Variants in CSF2RB observed in about 807,000 individuals in gnomAD.
The protein encoded by CSF2RB is colony stimulating factor 2 receptor subunit beta, also known as cytokine receptor common subunit beta.
In CSF2RB, 22 loss-of-function variants were observed where a neutral mutation model predicts 67.2. The observed-to-expected ratio is 0.33, with a 90% CI of 0.23 to 0.47. The LOEUF (loss-of-function observed/expected upper bound fraction) is 0.47, where lower values mean the gene tolerates loss of function less well. Among genes scored for constraint, CSF2RB ranks in the 20% least tolerant of loss-of-function variants. The probability of loss-of-function intolerance (pLI) is 1.00; values close to 1 mark genes in which losing one functional copy is unlikely to be tolerated. For missense variants in CSF2RB, 1,113 were observed against 1,174.5 expected (o/e 0.95, Z 0.76); for synonymous variants, 507 against 482.9 (o/e 1.05, Z -0.65).
chr22:36,922,491 C>T (rs912919778), intron 2 of CSF2RB: 15 of 607,996 alleles, frequency 2.5e-5, no homozygotes, highest in African/African-American at 2.0e-4. Context: ...TCCAGCTGAG[C>T]GTGTCTGGCT....
Position 36,929,827 on chromosome 22 carries a change from G to A in CSF2RB, c.718+20G>A, listed in dbSNP as rs767631636. The A allele has an allele frequency of 6.2e-7, 1 of 1,611,858 alleles. No homozygotes were observed. Among genetic ancestry groups the A allele is most frequent in the Non-Finnish European group, 8.5e-7 (1 of 1,179,206 alleles). ...AGCCAGGTAATGTTGCCAGAGCCCA[G>A]GAAATGCCCCGTGGTGGGAGGGCAG... On this transcript the variant is annotated intron_variant, in intron 6 of 13. Transcript: ENST00000403662.
intron 8 of CSF2RB, among the ~76,000 whole-genome samples, chr22:36,931,572 A>G (rs749588727): frequency 1.2e-4 from 19 of 152,392 alleles, no homozygotes; most frequent in Middle Eastern, 3.4e-3. Context: ...CAGTGAAGGC[A>G]TCAAGGTTAT....
At chr22:36,917,284 GTCT>G (rs577207326) in intron 1 of CSF2RB, among the ~76,000 whole-genome samples, 98 of 152,220 alleles carry the variant, frequency 6.4e-4, no homozygotes, top group Middle Eastern at 6.8e-3. Flanking sequence ...TGGCCATGAT[GTCT>G]TCTTCTTTTA....
intron 9 of CSF2RB, among the ~76,000 whole-genome samples, chr22:36,933,297 G>A (rs73158160): frequency 0.019 from 2,853 of 152,296 alleles, 35 homozygotes; most frequent in Middle Eastern, 0.034. Context: ...CTAATGAGTC[G>A]GGGGTGCGCC....
Position 36,922,272 on chromosome 22 carries a change from C to T in CSF2RB, c.65C>T (p.Ala22Val). ...LLALCWERSLAGAEETIPLQT... is the reference protein window; with the variant it reads ...LLALCWERSLVGAEETIPLQT... ...GCCCTGTGCTGGGAGCGCAGCCTGG[C>T]AGGGGCAGAAGGTGAGTCCCGTGGC... is the stretch of plus-strand genomic sequence containing the variant. The change falls in exon 2 of 14, where the codon GCA (alanine) becomes GTA (valine). Residue 22 changes from alanine to valine, a missense_variant. This residue lies in a region of CSF2RB where 559 missense variants were observed against 656.5 expected (regional missense o/e 0.85). Coordinates refer to ENST00000403662, the MANE Select transcript of CSF2RB (RefSeq NM_000395.3). The T allele has an allele frequency of 6.3e-7, 1 of 1,576,840 alleles. No individual in the cohort carries two copies. Among genetic ancestry groups the T allele is most frequent in the African/African-American group, 1.3e-5 (1 of 74,374 alleles).
At chr22:36,921,459 G>A (rs542150938) in intron 1 of CSF2RB, among the ~76,000 whole-genome samples, 8 of 151,694 alleles carry the variant, frequency 5.3e-5, no homozygotes, top group African/African-American at 1.7e-4. Context: ...GCGTGTGTCC[G>A]TGTGCTTGTG....
intron 1 of CSF2RB, among the ~76,000 whole-genome samples, chr22:36,919,847 G>A (rs993656564): frequency 6.6e-6 from 1 of 152,186 alleles, no homozygotes; most frequent in African/African-American, 2.4e-5. Flanking sequence ...ATGTCTTAAT[G>A]TACTCTTTTA....
chr22:36,938,209 G>A lies in CSF2RB; in HGVS notation c.2401G>A (p.Ala801Thr), dbSNP rs1941316560. Reference protein sequence around the residue: ...SPVLNPGERPADVSPTSPQPE... With the variant: ...SPVLNPGERPTDVSPTSPQPE... ...TGTCCTGAACCCAGGGGAACGCCCG[G>A]CAGATGTGTCCCCAACATCCCCACA... is the stretch of plus-strand genomic sequence containing the variant. The change falls in exon 14 of 14, where the codon GCA becomes ACA. Residue 801 changes from alanine (A) to threonine (T), a missense_variant. Physicochemically the swap from Ala to Thr is moderately conservative, Grantham distance 58. Coordinates refer to ENST00000403662, the MANE Select transcript of CSF2RB (RefSeq NM_000395.3). The A allele has an allele frequency of 2.5e-6, 4 of 1,614,130 alleles. No homozygotes were observed. Among genetic ancestry groups the A allele is most frequent in the East Asian group, 4.5e-5 (2 of 44,872 alleles).
At chr22:36,916,541 C>T (rs574970775) in intron 1 of CSF2RB, among the ~76,000 whole-genome samples, 1 of 152,154 alleles carries the variant, frequency 6.6e-6, no homozygotes, top group East Asian at 1.9e-4. Context: ...AGTCTCTCAT[C>T]TCTGGTTTGT....
chr22:36,929,063 C>T (rs757302603), intron 4 of CSF2RB, among the ~76,000 whole-genome samples: 23 of 152,182 alleles, frequency 1.5e-4, no homozygotes, highest in Non-Finnish European at 2.5e-4. Flanking sequence ...GAACCGCAGG[C>T]CCCTCTGCTA....
At chr22:36,917,852 G>A (rs1238820251) in intron 1 of CSF2RB, among the ~76,000 whole-genome samples, 2 of 152,040 alleles carry the variant, frequency 1.3e-5, no homozygotes, top group Admixed American at 6.5e-5. Context: ...GAACCCCGGA[G>A]GCAGAGATTG....
chr22:36,925,854 G>A (rs1941003136), intron 3 of CSF2RB, 133 bp from the exon 4 acceptor site: 3 of 1,002,920 alleles, frequency 3.0e-6, no homozygotes. Context: ...TCCGTGGGCA[G>A]GATTTTTGTG....
At position 36,932,967 on chromosome 22, in the gene CSF2RB, A is replaced by G. The variant is rs368942535; in HGVS notation, c.1152+63A>G. The G allele has an allele frequency of 3.7e-5, 60 of 1,601,268 alleles. 1 individual carries two copies. Among genetic ancestry groups the G allele is most frequent in the South Asian group, 3.2e-4 (29 of 90,128 alleles). ...GAGGGCGGGAGAAGGGAAAGCAACCAGAGGCATTCCACCTGCAAGGCGTCG... is the reference window on the plus strand; with the variant it reads ...GAGGGCGGGAGAAGGGAAAGCAACCGGAGGCATTCCACCTGCAAGGCGTCG... On this transcript the variant is annotated intron_variant, in intron 9 of 13. Transcript: ENST00000403662.
At position 36,926,031 on chromosome 22, in the gene CSF2RB, C is replaced by T; in HGVS notation, c.245C>T (p.Pro82Leu). The T allele has an allele frequency of 6.2e-7, 1 of 1,614,188 alleles. No homozygotes were observed. The highest frequency in any genetic ancestry group is 1.7e-5 in the Admixed American group (1 of 60,020). ...TCCTGTGACCTCAGTGATGACATGCCCTGGTCAGCCTGCCCCCATCCCCGC... is the reference window on the plus strand; with the variant it reads ...TCCTGTGACCTCAGTGATGACATGCTCTGGTCAGCCTGCCCCCATCCCCGC... ...PVSCDLSDDM[P>L]WSACPHPRCV... The change falls in exon 4 of 14, where the codon CCC becomes CTC. Residue 82 changes from proline to leucine, a missense_variant. Pro to Leu is a moderately conservative substitution (Grantham distance 98). Coordinates refer to ENST00000403662, the MANE Select transcript of CSF2RB (RefSeq NM_000395.3).
At chr22:36,914,680 C>T (rs1940679058) in intron 1 of CSF2RB, among the ~76,000 whole-genome samples, 2 of 151,856 alleles carry the variant, frequency 1.3e-5, no homozygotes, top group Admixed American at 6.6e-5. Context: ...CTTCAAAAAC[C>T]CTGCTGTTAT....
intron 8 of CSF2RB, 57 bp from the exon 9 acceptor site, chr22:36,932,708 G>A (rs1941173625): frequency 6.3e-7 from 1 of 1,591,686 alleles, no homozygotes; most frequent in Non-Finnish European, 8.5e-7. Flanking sequence ...GAGACACGGG[G>A]AATGTTCCGT....
Position 36,937,858 on chromosome 22 carries a change from G to A in CSF2RB, c.2050G>A (p.Gly684Arg). The A allele has an allele frequency of 6.2e-7, 1 of 1,613,864 alleles. No homozygotes were observed. Among genetic ancestry groups the A allele is most frequent in the Non-Finnish European group, 8.5e-7 (1 of 1,179,892 alleles). ...PAPPALGPRV[G>R]GQDQKDSPVA... is the part of the protein sequence containing the mutation. The stretch of plus-strand genomic sequence containing the variant: ...CCCTCCTGCTCTTGGGCCAAGGGTG[G>A]GAGGACAGGACCAAAAGGACAGCCC... The change falls in exon 14 of 14, where the codon GGA becomes AGA. Residue 684 changes from glycine to arginine, a missense_variant. Physicochemically the swap from Gly to Arg is moderately radical, Grantham distance 125. This residue lies in a region of CSF2RB where 554 missense variants were observed against 517.9 expected (regional missense o/e 1.07). Coordinates refer to ENST00000403662, the MANE Select transcript of CSF2RB (RefSeq NM_000395.3). This position sits in a 1 kb window ranked among gnomAD's most constrained non-coding sequence, Gnocchi z 4.6.
intron 4 of CSF2RB, 107 bp from the exon 5 acceptor site, chr22:36,929,295 G>A (rs959459178): frequency 1.4e-6 from 2 of 1,471,152 alleles, no homozygotes; most frequent in African/African-American, 1.4e-5. Context: ...CAGCTGCTGG[G>A]GGCAGGGGTG....
rs544458422 is a variant in CSF2RB, at chr22:36,932,629, T to C, written c.1013-136T>C. The C allele has an allele frequency of 6.2e-6, 6 of 974,994 alleles. No homozygotes were observed. In the South Asian group the frequency reaches 8.3e-5, roughly 14 times the overall value. The allele number at this position is 974,994 out of a possible 1,614,324, so 60.4% of individuals were successfully genotyped here. On this transcript the variant is annotated intron_variant, in intron 8 of 13. Transcript: ENST00000403662. ...AAAACATGATATAGTGAAGTGGGGA[T>C]GAAAAGGATCCAACCATGGGCAGAA... is the stretch of plus-strand genomic sequence containing the variant.
Sources: gnomAD v4.1 joint callset for allele counts (sites outside exome capture counted in the v4.1 genomes callset) on GRCh38, gnomAD v4.1.1 for gene constraint, gnomAD v4.1.1 regional missense constraint, Gnocchi (gnomAD v3.1) non-coding constraint, MANE v1.5 for transcripts, NCBI Gene and HGNC (gene_info 2026-07-23, HGNC 2026-07-21) for gene names.